The following KDM1B variants were observed in gnomAD, a reference collection of about 807,000 sequenced individuals.
KDM1B encodes the protein lysine-specific histone demethylase 2.
In KDM1B, 63 loss-of-function variants were observed where a neutral mutation model predicts 107.4. The observed-to-expected ratio is 0.59, with a 90% CI of 0.48 to 0.72. The LOEUF (loss-of-function observed/expected upper bound fraction) is 0.72. KDM1B is among the 30% of genes least tolerant of loss of function. KDM1B has a pLI of 0.00. For missense variants in KDM1B, 749 were observed against 1,020.8 expected (o/e 0.73, Z 3.63); for synonymous variants, 363 against 363.9 (o/e 1.00, Z 0.03).
In KDM1B at chr6:18,212,607, G is replaced by A; in HGVS notation, c.1983+3G>A. ...TAGGCGCAGGCATCATTGAAAAGGT[G>A]ACTGAAATGACCTCATCCTCAGCAA... On this transcript the variant is annotated splice_donor_region_variant and intron_variant, in intron 18 of 21. Coordinates refer to ENST00000650836, the MANE Select transcript of KDM1B (RefSeq NM_001364614.2). The surrounding 1 kb of genome is among the most constrained non-coding windows in gnomAD (Gnocchi z 5.2). 1 of 1,568,496 alleles carries A rather than the reference G, an allele frequency of 6.4e-7. No homozygotes were observed. Among genetic ancestry groups the A allele is most frequent in the Non-Finnish European group, 8.8e-7 (1 of 1,138,426 alleles).
At position 18,175,171 on chromosome 6, in the gene KDM1B, A is replaced by T. The variant is rs549817579; in HGVS notation, c.534+3692A>T. On this transcript the variant is annotated intron_variant, in intron 7 of 21. Coordinates refer to ENST00000650836, the MANE Select transcript of KDM1B (RefSeq NM_001364614.2). ...TCTACTGTGGTTTGATATTTTTATT[A>T]TGGCCATTCTTGCAGGAGTAAGGTG... Among the ~76,000 whole-genome samples, 184 of 152,220 alleles carry T rather than the reference A, an allele frequency of 1.2e-3. 5 individuals carry two copies. In the South Asian group the frequency reaches 0.036, roughly 30 times the overall value.
At chr6:18,192,940 C>T (rs935573925) in intron 10 of KDM1B, among the ~76,000 whole-genome samples, 2 of 151,836 alleles carry the variant, frequency 1.3e-5, no homozygotes, top group African/African-American at 2.4e-5. Flanking sequence ...CGCCTGTAAT[C>T]CCAGCACTTT....
chr6:18,216,618 A>C (rs1789254905), intron 20 of KDM1B, among the ~76,000 whole-genome samples: 1 of 152,148 alleles, frequency 6.6e-6, no homozygotes, highest in Admixed American at 6.5e-5. Context: ...GTCTGAAAAT[A>C]TTTGATGGAA....
intron 12 of KDM1B, among the ~76,000 whole-genome samples, chr6:18,198,948 C>T (rs1302165762): frequency 7.5e-6 from 1 of 134,130 alleles, no homozygotes; most frequent in Admixed American, 8.6e-5. Context: ...GTGAGGAGAT[C>T]GCTTGAGCTC....
rs367566334 is a variant in KDM1B, at chr6:18,172,855, C to T, written c.534+1376C>T. Among the ~76,000 whole-genome samples, 9 of 152,008 alleles carry T rather than the reference C, an allele frequency of 5.9e-5. No homozygotes were observed. The East Asian group carries it at 1.2e-3, about 20-fold the overall frequency. ...CTGTAATCCCAGCACTTTGGGAGGC[C>T]GAGATGGGCGGATCACCCGAGGTCA... On this transcript the variant is annotated intron_variant, in intron 7 of 21. Transcript: ENST00000650836. This position sits in a 1 kb window ranked among gnomAD's most constrained non-coding sequence, Gnocchi z 5.2.
rs1789919206 is a variant in KDM1B at position 18,223,332 on chromosome 6, C to T, written c.*1340C>T. On this transcript the variant is annotated 3_prime_UTR_variant, in exon 22 of 22. Coordinates refer to ENST00000650836, the MANE Select transcript of KDM1B (RefSeq NM_001364614.2). ...CCTCAGGCATTTAAGACACCTCCCC[C>T]ACCGCCCGCCCCCCGCCCCCCCCAA... The T allele has an allele frequency of 7.6e-6, 1 of 131,038 alleles. No homozygotes were observed. The highest frequency in any genetic ancestry group is 1.7e-5 in the Non-Finnish European group (1 of 60,424). The allele number at this position is 131,038 out of a possible 1,614,324, so 8.1% of individuals were successfully genotyped here.
At position 18,163,535 on chromosome 6, in the gene KDM1B, C is replaced by G. The variant is rs576459703; in HGVS notation, c.305+611C>G. Among the ~76,000 whole-genome samples the G allele has an allele frequency of 7.2e-5, 11 of 152,044 alleles. No individual in the cohort carries two copies. The South Asian group carries it at 2.3e-3, about 31-fold the overall frequency. ...TAGCTTCAATTATTTATTTTTAGAT[C>G]TTTCTTCTTTTCCAATAAATGCGTT... is the stretch of plus-strand genomic sequence containing the variant. On this transcript the variant is annotated intron_variant, in intron 5 of 21. Transcript: ENST00000650836.
chr6:18,194,612 T>A (rs1037248178), intron 10 of KDM1B, among the ~76,000 whole-genome samples: 9 of 152,230 alleles, frequency 5.9e-5, no homozygotes, highest in African/African-American at 1.7e-4. Flanking sequence ...AATTTTTTTT[T>A]AAATTATTGT....
chr6:18,214,943 A>G lies in KDM1B; in HGVS notation c.2110-64A>G. On this transcript the variant is annotated intron_variant, in intron 19 of 21. Coordinates refer to ENST00000650836, the MANE Select transcript of KDM1B (RefSeq NM_001364614.2). This position sits in a 1 kb window ranked among gnomAD's most constrained non-coding sequence, Gnocchi z 4.4. ...CAAAACAAAACAAAAAACAAAAAAAAGAGGCCCTTATCTGTGGGAGCTGAG... is the reference window on the plus strand; with the variant it reads ...CAAAACAAAACAAAAAACAAAAAAAGGAGGCCCTTATCTGTGGGAGCTGAG... 2.0e-6 allele frequency: 3 copies of G among 1,531,164 alleles called. No individual in the cohort carries two copies. The highest frequency in any genetic ancestry group is 2.3e-5 in the East Asian group (1 of 43,756). The allele number at this position is 1,531,164 out of a possible 1,614,324, so 94.8% of individuals were successfully genotyped here. A position where few individuals can be genotyped will look rare whatever the true frequency, so the allele number is the denominator to read the frequency against.
chr6:18,165,711 T>G (rs540697977), intron 5 of KDM1B, among the ~76,000 whole-genome samples: 1 of 152,262 alleles, frequency 6.6e-6, no homozygotes, highest in South Asian at 2.1e-4. Context: ...TAATCCCAGC[T>G]ATTTGGAGGT....
intron 9 of KDM1B, among the ~76,000 whole-genome samples, chr6:18,189,292 CT>C (rs200916626): frequency 0.016 from 2,506 of 152,140 alleles, 38 homozygotes; most frequent in Non-Finnish European, 0.024. Context: ...GAAATCAAAG[CT>C]AAAGTGGTAA....
intron 15 of KDM1B, among the ~76,000 whole-genome samples, chr6:18,206,274 G>C (rs949743983): frequency 2.0e-5 from 3 of 151,960 alleles, no homozygotes; most frequent in Non-Finnish European, 4.4e-5. Flanking sequence ...CCAGCACTTT[G>C]AGAGGCCAAG....
intron 7 of KDM1B, among the ~76,000 whole-genome samples, chr6:18,183,508 C>G (rs1377571369): frequency 6.6e-6 from 1 of 151,928 alleles, no homozygotes; most frequent in Non-Finnish European, 1.5e-5. Flanking sequence ...GATCCACCCA[C>G]CTCGGCCTCC....
At position 18,170,382 on chromosome 6, in the gene KDM1B, T is replaced by C. The variant is rs115081528; in HGVS notation, c.418-981T>C. ...ATTTGGATTTCATCAGTTTCTTCAC[T>C]AATGTTCTTTTACTGTTCTAGGATC... is the stretch of plus-strand genomic sequence containing the variant. On this transcript the variant is annotated intron_variant, in intron 6 of 21. Transcript: ENST00000650836. 8.6e-3 allele frequency among the ~76,000 whole-genome samples: 1,316 copies of C among 152,328 alleles called. 17 individuals carry two copies. The highest frequency in any genetic ancestry group is 0.027 in the African/African-American group (1,116 of 41,570).
At position 18,207,393 on chromosome 6, in the gene KDM1B, C is replaced by T. The variant is rs778463962; in HGVS notation, c.1660-5C>T. Reference sequence around the variant, plus strand: ...GCTGTGTCCCCAACCTCTCTTGTTTCCCAGGTATCTGCTCGCTCGTGGGAC... The same window carrying T: ...GCTGTGTCCCCAACCTCTCTTGTTTTCCAGGTATCTGCTCGCTCGTGGGAC... On this transcript the variant is annotated splice_polypyrimidine_tract_variant and splice_region_variant and intron_variant, in intron 15 of 21. Transcript: ENST00000650836. The T allele has an allele frequency of 1.9e-6, 3 of 1,613,874 alleles. No homozygotes were observed.
intron 6 of KDM1B, among the ~76,000 whole-genome samples, chr6:18,167,501 T>A (rs1785379721): frequency 6.6e-6 from 1 of 151,930 alleles, no homozygotes; most frequent in Non-Finnish European, 1.5e-5. Context: ...TGAGACAGGG[T>A]CTCACTCTGT....
chr6:18,169,963 G>A, intron 6 of KDM1B, among the ~76,000 whole-genome samples: 1 of 147,084 alleles, frequency 6.8e-6, no homozygotes, highest in East Asian at 2.0e-4. Flanking sequence ...AGGCTGGGGT[G>A]CATTGGTACG....
chr6:18,174,486 G>A (rs552788786), intron 7 of KDM1B, among the ~76,000 whole-genome samples: 1 of 152,110 alleles, frequency 6.6e-6, no homozygotes, highest in East Asian at 1.9e-4. Flanking sequence ...TTTTTCTGTA[G>A]GTTATTGGGG....
intron 17 of KDM1B, among the ~76,000 whole-genome samples, chr6:18,210,199 A>G (rs1393124636): frequency 6.6e-6 from 1 of 152,162 alleles, no homozygotes; most frequent in Non-Finnish European, 1.5e-5. Flanking sequence ...ACCCAACGTG[A>G]TAGACCGATG....
Sources: gnomAD v4.1 joint callset for allele counts (sites outside exome capture counted in the v4.1 genomes callset) on GRCh38, gnomAD v4.1.1 for gene constraint, Gnocchi (gnomAD v3.1) non-coding constraint, MANE v1.5 for transcripts, NCBI Gene and HGNC (gene_info 2026-07-23, HGNC 2026-07-21) for gene names.